The following HNF4G variants were observed in gnomAD, a reference collection of about 807,000 sequenced individuals.
HNF4G encodes the protein hepatocyte nuclear factor 4 gamma.
A neutral mutation model predicts 50.9 loss-of-function variants in HNF4G; 21 were observed. The ratio of observed to expected loss-of-function variants is 0.41; its 90% CI spans 0.29 to 0.59. The LOEUF (loss-of-function observed/expected upper bound fraction) is 0.59, where lower values mean the gene tolerates loss of function less well. HNF4G is among the 20% of genes least tolerant of loss of function. The pLI is 0.26. For missense variants in HNF4G, 527 were observed against 559.4 expected (o/e 0.94, Z 0.58); for synonymous variants, 198 against 185.6 (o/e 1.07, Z -0.54).
At chr8:75,414,882 A>G (rs1810595988) in intron 1 of HNF4G, among the ~76,000 whole-genome samples, 1 of 152,182 alleles carries the variant, frequency 6.6e-6, no homozygotes, top group African/African-American at 2.4e-5. Context: ...TGGTGTGTAC[A>G]CTTACATTTG....
At chr8:75,520,300 C>T (rs1257070061) in intron 2 of HNF4G, among the ~76,000 whole-genome samples, 1 of 151,888 alleles carries the variant, frequency 6.6e-6, no homozygotes, top group East Asian at 1.9e-4. Context: ...ATATAAGAAA[C>T]TTTTTCTTTC....
chr8:75,476,866 T>C (rs1331009299), intron 1 of HNF4G, among the ~76,000 whole-genome samples: 1 of 152,218 alleles, frequency 6.6e-6, no homozygotes, highest in East Asian at 1.9e-4. Flanking sequence ...CAGCTCCAGC[T>C]GTATAGAAGG....
chr8:75,540,882 T>TGTGTGTGTG (rs1806601765), intron 1 of HNF4G, among the ~76,000 whole-genome samples: 6 of 151,410 alleles, frequency 4.0e-5, no homozygotes, highest in South Asian at 2.1e-4. Context: ...TGTGTGTGTG[T>TGTGTGTGTG]TTAATGCAAG....
intron 2 of HNF4G, among the ~76,000 whole-genome samples, chr8:75,520,442 A>G (rs541761149): frequency 6.7e-6 from 1 of 149,550 alleles, no homozygotes; most frequent in African/African-American, 2.5e-5. Flanking sequence ...TTTTTTTTTA[A>G]ATTTTTGTTC....
intron 1 of HNF4G, among the ~76,000 whole-genome samples, chr8:75,540,820 C>T (rs1004511751): frequency 4.1e-5 from 6 of 146,790 alleles, no homozygotes; most frequent in African/African-American, 1.0e-4. Context: ...CTCCTAAGAT[C>T]GAGTAATTAT....
rs548419282 is a variant in HNF4G at position 75,448,348 on chromosome 8, G to A, written c.-144+40186G>A. Among the ~76,000 whole-genome samples, 9 of 147,334 alleles carry A rather than the reference G, an allele frequency of 6.1e-5. No homozygotes were observed. The South Asian group carries it at 2.0e-3, about 32-fold the overall frequency. On this transcript the variant is annotated intron_variant, in intron 1 of 10. Transcript: ENST00000354370. ...ACCTAAGGCTAGATGACGAGTTGGT[G>A]CAGCGCACCAGCATGGCACATGTAT...
At chr8:75,415,192 A>G (rs865863387) in intron 1 of HNF4G, among the ~76,000 whole-genome samples, 7 of 152,148 alleles carry the variant, frequency 4.6e-5, no homozygotes, top group African/African-American at 9.7e-5. Flanking sequence ...TTCAAATCCT[A>G]TGCAGTCCCC....
At chr8:75,495,603 T>C (rs930912700) in intron 2 of HNF4G, 4 of 150,580 alleles carry the variant, frequency 2.7e-5, no homozygotes, top group African/African-American at 9.8e-5. Flanking sequence ...AGTGGTGCGA[T>C]CTTGGTTCAC....
chr8:75,468,717 G>A (rs1812048687), intron 1 of HNF4G, among the ~76,000 whole-genome samples: 1 of 151,918 alleles, frequency 6.6e-6, no homozygotes, highest in Admixed American at 6.6e-5. Context: ...TATATGTAGA[G>A]TTTTCTAATG....
intron 1 of HNF4G, among the ~76,000 whole-genome samples, chr8:75,417,324 TTATGTGTGC>T (rs1810665986): frequency 6.6e-6 from 1 of 152,238 alleles, no homozygotes; most frequent in South Asian, 2.1e-4. Context: ...TTTATTCAGT[TTATGTGTGC>T]TAGATACTAA....
At chr8:75,540,564 A>G (rs1307172215) in intron 1 of HNF4G, among the ~76,000 whole-genome samples, 1 of 152,160 alleles carries the variant, frequency 6.6e-6, no homozygotes, top group African/African-American at 2.4e-5. Flanking sequence ...TAAAATTACT[A>G]TCAGGTTTTT....
Position 75,480,724 on chromosome 8 carries a change from T to TTTC in HNF4G, c.-143-9363_-143-9362insCTT, listed in dbSNP as rs1376934574. 7.2e-3 allele frequency among the ~76,000 whole-genome samples: 1,037 copies of TTTC among 144,616 alleles called. 11 individuals carry two copies. Among genetic ancestry groups the TTTC allele is most frequent in the African/African-American group, 0.025 (964 of 38,122 alleles). The allele number at this position is 144,616 out of a possible 152,430, so 94.9% of individuals were successfully genotyped here. ...TCATTTCTTTTTCTTTTTCTTTCTT[T>TTTC]TTTTTTTTTTTTGAGACAGAATCTC... On this transcript the variant is annotated intron_variant, in intron 1 of 10. Transcript: ENST00000354370.
intron 3 of HNF4G, among the ~76,000 whole-genome samples, chr8:75,550,837 G>A (rs1806929078): frequency 1.3e-5 from 2 of 151,844 alleles, no homozygotes; most frequent in Non-Finnish European, 2.9e-5. Flanking sequence ...CTGCTCCATG[G>A]TACATCTTTT....
chr8:75,417,562 T>C (rs1179255079), intron 1 of HNF4G, among the ~76,000 whole-genome samples: 1 of 152,216 alleles, frequency 6.6e-6, no homozygotes, highest in African/African-American at 2.4e-5. Context: ...TAAGGTCTTA[T>C]GCTATTAATC....
intron 2 of HNF4G, among the ~76,000 whole-genome samples, chr8:75,497,453 AG>A: frequency 6.6e-6 from 1 of 152,182 alleles, no homozygotes; most frequent in Non-Finnish European, 1.5e-5. Flanking sequence ...TGGGAGGCCG[AG>A]GCGGGCAGAT....
At chr8:75,481,192 A>G (rs1156239484) in intron 1 of HNF4G, among the ~76,000 whole-genome samples, 1 of 152,220 alleles carries the variant, frequency 6.6e-6, no homozygotes, top group African/African-American at 2.4e-5. Context: ...TAAAGGTTTG[A>G]AAAGCCCCTG....
In HNF4G at chr8:75,547,594, C is replaced by T. The variant is rs531645254; in HGVS notation, c.295C>T (p.Arg99Trp). 4.9e-5 allele frequency: 79 copies of T among 1,604,924 alleles called. No homozygotes were observed. In the Middle Eastern group the frequency reaches 5.0e-4, roughly 10 times the overall value. ...KSHVYSCRFSRQCVVDKDKRN... is the reference protein window; with the variant it reads ...KSHVYSCRFSWQCVVDKDKRN... ...TATATCTTTATGTTATAGGTTCAGT[C>T]GGCAATGTGTTGTTGACAAGGACAA... Residue 99 changes from arginine (R) to tryptophan (W), a missense_variant, in exon 3 of 10, where the codon CGG becomes TGG. This residue lies in a region of HNF4G where 128 missense variants were observed against 135.3 expected (regional missense o/e 0.95). Coordinates refer to ENST00000396423, the MANE Select transcript of HNF4G (RefSeq NM_004133.5).
At position 75,566,705 on chromosome 8, in the gene HNF4G, T is replaced by G. The variant is rs2130827892; in HGVS notation, c.*2609T>G. 1 of 152,468 alleles carries G rather than the reference T, an allele frequency of 6.6e-6. No individual in the cohort carries two copies. Among genetic ancestry groups the G allele is most frequent in the Admixed American group, 6.5e-5 (1 of 15,278 alleles). 9.4% of individuals were successfully genotyped at this position (152,468 alleles called of 1,614,324 possible). On this transcript the variant is annotated 3_prime_UTR_variant, in exon 10 of 10. Coordinates refer to ENST00000396423, the MANE Select transcript of HNF4G (RefSeq NM_004133.5). ...TAAATGTATAATTATTTTTATAAAT[T>G]TTATTGTTGGAAATCAAAAATTAGT...
At chr8:75,466,936 A>G (rs1812002830) in intron 1 of HNF4G, among the ~76,000 whole-genome samples, 1 of 151,958 alleles carries the variant, frequency 6.6e-6, no homozygotes, top group African/African-American at 2.4e-5. Context: ...TGCCTAACTC[A>G]AGATTCCTAA....
Sources: gnomAD v4.1 joint callset for allele counts (sites outside exome capture counted in the v4.1 genomes callset) on GRCh38, gnomAD v4.1.1 for gene constraint, gnomAD v4.1.1 regional missense constraint, MANE v1.5 for transcripts, NCBI Gene and HGNC (gene_info 2026-07-23, HGNC 2026-07-21) for gene names.